THRA: variants seen among roughly 807,000 people sequenced by gnomAD.
THRA encodes the protein thyroid hormone receptor alpha.
In THRA, 13 loss-of-function variants were observed where a neutral mutation model predicts 45.0. The ratio of observed to expected loss-of-function variants is 0.29; its 90% CI spans 0.19 to 0.46. The LOEUF (loss-of-function observed/expected upper bound fraction) is 0.46, where lower values mean the gene tolerates loss of function less well. Among genes scored for constraint, THRA ranks in the 20% least tolerant of loss-of-function variants. The probability of loss-of-function intolerance (pLI) is 1.00; values close to 1 mark genes in which losing one functional copy is unlikely to be tolerated. For missense variants in THRA, 278 were observed against 556.1 expected (o/e 0.50, Z 5.03); for synonymous variants, 195 against 214.0 (o/e 0.91, Z 0.78).
intron 1 of THRA, chr17:40,068,898 G>A (rs139498892): frequency 6.5e-6 from 1 of 152,696 alleles, no homozygotes; most frequent in Non-Finnish European, 1.5e-5. Flanking sequence ...GTGAGTGGGT[G>A]TGTTGTGCAC....
chr17:40,077,431 A>T (rs2145061872), intron 3 of THRA, 77 bp from the exon 4 acceptor site: 1 of 1,345,148 alleles, frequency 7.4e-7, no homozygotes, highest in Non-Finnish European at 1.1e-6. Context: ...AAGTTGAGGG[A>T]TGGGGAAAAG....
In THRA at chr17:40,074,386, T is replaced by G; in HGVS notation, c.-103T>G. 1 of 1,274,270 alleles carries G rather than the reference T, an allele frequency of 7.8e-7. No individual in the cohort carries two copies. Among genetic ancestry groups the G allele is most frequent in the Non-Finnish European group, 1.1e-6 (1 of 887,432 alleles). The allele number at this position is 1,274,270 out of a possible 1,614,324, so 78.9% of individuals were successfully genotyped here. ...ATCATGGGTGCTGTGCCCTAGGGCC[T>G]GGGTGGCAGGGGGTGGGTGGCCTGT... On this transcript the variant is annotated 5_prime_UTR_variant, in exon 2 of 9. Transcript: ENST00000450525.
In THRA at chr17:40,066,196, G is replaced by C. The variant is rs914124105; in HGVS notation, c.-298+3104G>C. On this transcript the variant is annotated intron_variant, in intron 1 of 8. Coordinates refer to ENST00000450525, the MANE Select transcript of THRA (RefSeq NM_199334.5). ...ACCTCTTCTGGAGAGGGAATTTGAG[G>C]AGGGGGAACTCAGGCAGGAGACATC... Among the ~76,000 whole-genome samples, 166 of 152,300 alleles carry C rather than the reference G, an allele frequency of 1.1e-3. 2 individuals carry two copies. Among genetic ancestry groups the C allele is most frequent in the African/African-American group, 3.9e-3 (163 of 41,576 alleles).
At chr17:40,093,297 AC>A, downstream of THRA, 1 of 1,613,530 alleles carries the variant, frequency 6.2e-7, no homozygotes, top group African/African-American at 1.3e-5. This position sits in a 1 kb window ranked among gnomAD's most constrained non-coding sequence, Gnocchi z 5.9. Context: ...GGGGAAGACG[AC>A]AGCAGTGAGG....
rs1297422624 is a variant in THRA, at chr17:40,092,857, G to T, written c.*3401G>T. 1.0e-6 allele frequency: 1 copy of T among 998,730 alleles called. No homozygotes were observed. The highest frequency in any genetic ancestry group is 1.4e-6 in the Non-Finnish European group (1 of 696,984). The allele number at this position is 998,730 out of a possible 1,614,324, so 61.9% of individuals were successfully genotyped here. A position where few individuals can be genotyped will look rare whatever the true frequency, so the allele number is the denominator to read the frequency against. On this transcript the variant is annotated 3_prime_UTR_variant, in exon 9 of 9. Transcript: ENST00000450525. Reference sequence around the variant, plus strand: ...AATCAGAGGGCCAGGGGAGGGTTGTGGGGGAGACAGAGTGGTTTAAATAGG... The same window carrying T: ...AATCAGAGGGCCAGGGGAGGGTTGTTGGGGAGACAGAGTGGTTTAAATAGG...
chr17:40,069,299 C>CTCTG (rs985263953), intron 1 of THRA, among the ~76,000 whole-genome samples: 3 of 149,344 alleles, frequency 2.0e-5, no homozygotes, highest in African/African-American at 7.4e-5. Flanking sequence ...CTGTCTCTGT[C>CTCTG]TCTCTCTCTC....
At chr17:40,087,244 G>GCA (rs368703669) in intron 7 of THRA, among the ~76,000 whole-genome samples, 1,328 of 70,926 alleles carry the variant, frequency 0.019, 18 homozygotes, top group African/African-American at 0.068. Context: ...CAGCACACAG[G>GCA]CACACACACA....
chr17:40,075,721 T>G (rs1986931250), intron 2 of THRA, among the ~76,000 whole-genome samples: 1 of 151,514 alleles, frequency 6.6e-6, no homozygotes, highest in Non-Finnish European at 1.5e-5. Context: ...AGGACTACAC[T>G]CAGAGGCTGT....
chr17:40,070,562 C>T (rs191469316), intron 1 of THRA, among the ~76,000 whole-genome samples: 51 of 152,306 alleles, frequency 3.3e-4, no homozygotes, highest in Middle Eastern at 6.8e-3. Context: ...CCCATAGACG[C>T]CTGTGCCCAT....
At chr17:40,073,162 G>A (rs1011492908) in intron 1 of THRA, among the ~76,000 whole-genome samples, 2 of 152,188 alleles carry the variant, frequency 1.3e-5, no homozygotes, top group Non-Finnish European at 2.9e-5. Context: ...ACGTGACAGA[G>A]GTTGAGGTCG....
chr17:40,069,190 T>A (rs67228062), intron 1 of THRA, among the ~76,000 whole-genome samples: 37,203 of 141,366 alleles, frequency 0.26, 5,021 homozygotes, highest in Admixed American at 0.38. Context: ...TCCCTCTCTC[T>A]CTCTCACACA....
At chr17:40,084,577 C>A in intron 5 of THRA, 33 bp from the exon 6 acceptor site, 1 of 1,606,962 alleles carries the variant, frequency 6.2e-7, no homozygotes, top group South Asian at 1.1e-5. Flanking sequence ...TGGAGGGTGC[C>A]ATGCGTTAGA....
chr17:40,087,886 G>A (rs1285581815), intron 7 of THRA, among the ~76,000 whole-genome samples: 1 of 152,182 alleles, frequency 6.6e-6, no homozygotes, highest in Non-Finnish European at 1.5e-5. Context: ...AGCCTCCTGA[G>A]TAGCTGGGAC....
At chr17:40,093,547 G>T (rs1598401601), downstream of THRA, 1 of 1,131,874 alleles carries the variant, frequency 8.8e-7, no homozygotes, top group East Asian at 2.6e-5. This position sits in a 1 kb window ranked among gnomAD's most constrained non-coding sequence, Gnocchi z 5.9. Context: ...GCCAAACATG[G>T]CCAGACTCCC....
At chr17:40,086,622 TGGA>T in intron 6 of THRA, 82 bp from the exon 7 acceptor site, 1 of 1,541,972 alleles carries the variant, frequency 6.5e-7, no homozygotes, top group Non-Finnish European at 8.8e-7. Flanking sequence ...CAAGCTGCCT[TGGA>T]GCTCCCCCTG....
chr17:40,081,415 A>G (rs1459227987), intron 4 of THRA, among the ~76,000 whole-genome samples: 1 of 151,882 alleles, frequency 6.6e-6, no homozygotes, highest in East Asian at 1.9e-4. Context: ...TGCACGCCAC[A>G]ACCCCTGGCC....
Position 40,083,926 on chromosome 17 carries a change from A to G in THRA, c.314A>G (p.Asn105Ser), listed in dbSNP as rs1356485826. The stretch of plus-strand genomic sequence containing the variant: ...TGTGTCATTGACAAGATCACCCGCA[A>G]TCAGTGCCAGCTGTGCCGCTTCAAG... Reference protein sequence around the residue: ...SCCVIDKITRNQCQLCRFKKC... With the variant: ...SCCVIDKITRSQCQLCRFKKC... The change falls in exon 5 of 9, where the codon AAT becomes AGT. Residue 105 changes from asparagine (N) to serine (S), a missense_variant. By Grantham distance (46) the Asn-to-Ser change is conservative. Around this residue, in one of 6 missense-constraint regions of THRA, gnomAD observed 111 missense variants for 167.1 expected, o/e 0.66. Coordinates refer to ENST00000450525, the MANE Select transcript of THRA (RefSeq NM_199334.5). 2 of 1,613,978 alleles carry G rather than the reference A, an allele frequency of 1.2e-6. No individual in the cohort carries two copies. Among genetic ancestry groups the G allele is most frequent in the South Asian group, 1.1e-5 (1 of 91,064 alleles).
At chr17:40,068,648 G>A (rs573774072) in intron 1 of THRA, among the ~76,000 whole-genome samples, 37 of 152,156 alleles carry the variant, frequency 2.4e-4, no homozygotes, top group Non-Finnish European at 4.4e-4. Context: ...TTTGGGGGTG[G>A]GCATTAAAGG....
chr17:40,083,973 G>A lies in THRA; in HGVS notation c.361G>A (p.Ala121Thr). The change falls in exon 5 of 9, where the codon GCC becomes ACC. Residue 121 changes from alanine (A) to threonine (T), a missense_variant. Ala to Thr is a moderately conservative substitution (Grantham distance 58). Coordinates refer to ENST00000450525, the MANE Select transcript of THRA (RefSeq NM_199334.5). The part of the protein sequence containing the change: ...RFKKCIAVGM[A>T]MDLVLDDSKR... ...CAAGAAGTGCATCGCCGTGGGCATG[G>A]CCATGGACTGTAAGGGGCCCAGGTG... 6.2e-7 allele frequency: 1 copy of A among 1,612,366 alleles called. No homozygotes were observed. The highest frequency in any genetic ancestry group is 8.5e-7 in the Non-Finnish European group (1 of 1,178,948).
Sources: allele counts gnomAD v4.1 joint callset (sites outside exome capture counted in the v4.1 genomes callset), GRCh38; gene constraint gnomAD v4.1.1; regional missense constraint gnomAD v4.1.1; non-coding constraint Gnocchi (gnomAD v3.1); transcripts MANE v1.5; gene names NCBI Gene and HGNC (gene_info 2026-07-23, HGNC 2026-07-21).